ACOT7: variants seen among roughly 807,000 people sequenced by gnomAD.
ACOT7 encodes the protein cytosolic acyl coenzyme A thioester hydrolase.
A neutral mutation model predicts 40.2 loss-of-function variants in ACOT7; 12 were observed. The ratio of observed to expected loss-of-function variants is 0.30; its 90% CI spans 0.19 to 0.48. ACOT7 has a LOEUF of 0.48. Among genes scored for constraint, ACOT7 ranks in the 20% least tolerant of loss-of-function variants. ACOT7 has a pLI of 0.99. For missense variants in ACOT7, 395 were observed against 530.8 expected (o/e 0.74, Z 2.51); for synonymous variants, 228 against 219.5 (o/e 1.04, Z -0.34).
intron 1 of ACOT7, among the ~76,000 whole-genome samples, chr1:6,388,932 T>C (rs966735767): frequency 2.0e-5 from 3 of 150,636 alleles, no homozygotes; most frequent in Admixed American, 1.3e-4. Flanking sequence ...TCCCAGCTAC[T>C]CAGGAGGCTG....
chr1:6,305,534 G>T (rs1345156695), intron 6 of ACOT7, among the ~76,000 whole-genome samples: 1 of 148,924 alleles, frequency 6.7e-6, no homozygotes, highest in African/African-American at 2.5e-5. Context: ...CAGGCAGAGG[G>T]TCTCCTCACT....
At chr1:6,277,071 G>A (rs1221719288) in intron 8 of ACOT7, among the ~76,000 whole-genome samples, 1 of 152,166 alleles carries the variant, frequency 6.6e-6, no homozygotes, top group Non-Finnish European at 1.5e-5. Context: ...CACAGGCGCG[G>A]CCCCAAAAGC....
intron 1 of ACOT7, among the ~76,000 whole-genome samples, chr1:6,372,432 C>T (rs1474966362): frequency 6.6e-6 from 1 of 152,164 alleles, no homozygotes; most frequent in African/African-American, 2.4e-5. Context: ...CTTGTAATTT[C>T]CTTCGAAGGA....
intron 1 of ACOT7, among the ~76,000 whole-genome samples, chr1:6,366,758 T>C (rs1490845054): frequency 2.6e-5 from 4 of 151,428 alleles, no homozygotes; most frequent in Non-Finnish European, 5.9e-5. Context: ...CGAGTTCAAG[T>C]GATTCCCCTG....
At chr1:6,298,427 G>A (rs888332582) in intron 6 of ACOT7, among the ~76,000 whole-genome samples, 37 of 152,160 alleles carry the variant, frequency 2.4e-4, no homozygotes, top group African/African-American at 7.2e-4. Context: ...GAGCTACTGC[G>A]CCCAGGTGCA....
In ACOT7 at chr1:6,358,139, G is replaced by A. The variant is rs993754159; in HGVS notation, c.144-8273C>T. On this transcript the variant is annotated intron_variant, in intron 1 of 8. Coordinates refer to ENST00000361521, the MANE Select transcript of ACOT7 (RefSeq NM_007274.4). This position sits in a 1 kb window ranked among gnomAD's most constrained non-coding sequence, Gnocchi z 4.1. Reference sequence around the variant, plus strand: ...CTGCCTCGGCCTCCCAAAGTGCTGAGATTACAGGCGTGAGTCACAGAGTCT... The same window carrying A: ...CTGCCTCGGCCTCCCAAAGTGCTGAAATTACAGGCGTGAGTCACAGAGTCT... 2.0e-5 allele frequency among the ~76,000 whole-genome samples: 3 copies of A among 152,128 alleles called. No homozygotes were observed. Among genetic ancestry groups the A allele is most frequent in the African/African-American group, 4.8e-5 (2 of 41,436 alleles).
chr1:6,389,657 G>A (rs1459247227), intron 1 of ACOT7, among the ~76,000 whole-genome samples: 5 of 151,772 alleles, frequency 3.3e-5, no homozygotes, highest in African/African-American at 9.7e-5. Context: ...GGTGGCGGGC[G>A]TGTGTAATCC....
chr1:6,267,843 G>A (rs752540167), intron 8 of ACOT7, among the ~76,000 whole-genome samples: 1 of 152,150 alleles, frequency 6.6e-6, no homozygotes, highest in Non-Finnish European at 1.5e-5. Context: ...CCCTGGAGCC[G>A]GGTGTGAATC....
chr1:6,378,902 T>C (rs1228757122), intron 1 of ACOT7, among the ~76,000 whole-genome samples: 1 of 151,646 alleles, frequency 6.6e-6, no homozygotes, highest in Non-Finnish European at 1.5e-5. Flanking sequence ...TCAAGGACTT[T>C]TTTTTTTCTT....
rs528490565 is a variant in ACOT7 at position 6,282,664 on chromosome 1, C to A, written c.830-1378G>T. On this transcript the variant is annotated intron_variant, in intron 7 of 8. Coordinates refer to ENST00000361521, the MANE Select transcript of ACOT7 (RefSeq NM_007274.4). This position sits in a 1 kb window ranked among gnomAD's most constrained non-coding sequence, Gnocchi z 4.5. ...GCGGTTAGCAGGCCAGAGGCAAGAG[C>A]GGTTATTCCATGTTAAAAAGTATCA... The A allele has an allele frequency of 7.2e-6, 9 of 1,255,908 alleles. No individual in the cohort carries two copies. The African/African-American group carries it at 1.4e-4, about 19-fold the overall frequency. The allele number at this position is 1,255,908 out of a possible 1,614,324, so 77.8% of individuals were successfully genotyped here. A position where few individuals can be genotyped will look rare whatever the true frequency, so the allele number is the denominator to read the frequency against.
chr1:6,349,666 G>T, intron 2 of ACOT7, 83 bp downstream of exon 2: 1 of 1,350,588 alleles, frequency 7.4e-7, no homozygotes, highest in Non-Finnish European at 1.0e-6. Flanking sequence ...AAGGCTGCAG[G>T]CCTGGCTCCC....
At chr1:6,356,793 C>T (rs1641756332) in intron 1 of ACOT7, among the ~76,000 whole-genome samples, 1 of 151,946 alleles carries the variant, frequency 6.6e-6, no homozygotes, top group South Asian at 2.1e-4. Context: ...GTGGCAGGCT[C>T]CTATAATCCC....
rs1639392608 is a variant in ACOT7, at chr1:6,282,782, CA to C, written c.830-1497del. ...GAAGGAGCTGTGTGGTCAGCGCCAGCAGGCATTACGTGAGCTGTAAGGTACA... is the reference window on the plus strand; with the variant it reads ...GAAGGAGCTGTGTGGTCAGCGCCAGCGGCATTACGTGAGCTGTAAGGTACA... On this transcript the variant is annotated intron_variant, in intron 7 of 8. Coordinates refer to ENST00000361521, the MANE Select transcript of ACOT7 (RefSeq NM_007274.4). This position sits in a 1 kb window ranked among gnomAD's most constrained non-coding sequence, Gnocchi z 4.5. 7.7e-7 allele frequency: 1 copy of C among 1,304,164 alleles called. No individual in the cohort carries two copies. The highest frequency in any genetic ancestry group is 1.5e-5 in the African/African-American group (1 of 65,894). The allele number at this position is 1,304,164 out of a possible 1,614,324, so 80.8% of individuals were successfully genotyped here. A position where few individuals can be genotyped will look rare whatever the true frequency, so the allele number is the denominator to read the frequency against.
chr1:6,359,062 AC>A lies in ACOT7; in HGVS notation c.144-9197del, dbSNP rs779391338. 2.2e-5 allele frequency: 13 copies of A among 593,294 alleles called. No homozygotes were observed. The highest frequency in any genetic ancestry group is 3.6e-5 in the Non-Finnish European group (13 of 356,500). The allele number at this position is 593,294 out of a possible 1,614,324, so 36.8% of individuals were successfully genotyped here. ...CTACCAGAAACCGGTCGTCATGGAAACCTTGCTTTATAAATAATTACAGAAG... is the reference window on the plus strand; with the variant it reads ...CTACCAGAAACCGGTCGTCATGGAAACTTGCTTTATAAATAATTACAGAAG... On this transcript the variant is annotated intron_variant, in intron 1 of 8. Coordinates refer to ENST00000361521, the MANE Select transcript of ACOT7 (RefSeq NM_007274.4). This position sits in a 1 kb window ranked among gnomAD's most constrained non-coding sequence, Gnocchi z 4.1.
chr1:6,361,118 G>A (rs980000428), intron 1 of ACOT7, among the ~76,000 whole-genome samples: 1 of 152,098 alleles, frequency 6.6e-6, no homozygotes, highest in South Asian at 2.1e-4. Context: ...AACAAAATAC[G>A]ATAAATCCAT....
At chr1:6,372,278 G>A (rs994655787) in intron 1 of ACOT7, among the ~76,000 whole-genome samples, 4 of 152,100 alleles carry the variant, frequency 2.6e-5, no homozygotes, top group Admixed American at 6.6e-5. Flanking sequence ...AGAGAGTTAC[G>A]GCCTTGCTCT....
chr1:6,298,998 C>G (rs775623537), intron 6 of ACOT7, among the ~76,000 whole-genome samples: 3 of 152,218 alleles, frequency 2.0e-5, no homozygotes, highest in Non-Finnish European at 4.4e-5. Flanking sequence ...AGGCCTGGTG[C>G]GAATCCCCCT....
At chr1:6,293,895 G>A (rs1639739577) in intron 7 of ACOT7, among the ~76,000 whole-genome samples, 2 of 152,198 alleles carry the variant, frequency 1.3e-5, no homozygotes, top group Non-Finnish European at 2.9e-5. Flanking sequence ...TGCCAGGTGT[G>A]TTCTGCAGTA....
At chr1:6,371,507 C>T (rs1423590874) in intron 1 of ACOT7, among the ~76,000 whole-genome samples, 1 of 151,938 alleles carries the variant, frequency 6.6e-6, no homozygotes, top group African/African-American at 2.4e-5. Flanking sequence ...GGACTACAGG[C>T]AAGTGCCACC....
Sources: allele counts gnomAD v4.1 joint callset (sites outside exome capture counted in the v4.1 genomes callset), GRCh38; gene constraint gnomAD v4.1.1; non-coding constraint Gnocchi (gnomAD v3.1); transcripts MANE v1.5; gene names NCBI Gene and HGNC (gene_info 2026-07-23, HGNC 2026-07-21).